The following CRACD variants were observed in gnomAD, a reference collection of about 807,000 sequenced individuals.
CRACD encodes capping protein inhibiting regulator of actin dynamics.
CRACD carries 56 observed loss-of-function variants against 106.8 expected under a neutral mutation model. The ratio of observed to expected loss-of-function variants is 0.52; its 90% CI spans 0.42 to 0.66. The LOEUF is 0.66. Ranked by LOEUF, CRACD falls within the 30% of genes least tolerant of loss-of-function variation. CRACD has a pLI of 0.00. For missense variants in CRACD, 1,730 were observed against 1,623.2 expected, an observed-to-expected ratio of 1.07 and a Z score of -1.13; for synonymous variants, 754 against 670.8, an observed-to-expected ratio of 1.12 and a Z score of -1.92.
At chr4:56,142,501 C>A (rs1432440984) in intron 1 of CRACD, among the ~76,000 whole-genome samples, 22 of 149,622 alleles carry the variant, frequency 1.5e-4, no homozygotes, top group Non-Finnish European at 1.5e-5. Context: ...CAAGATTTAT[C>A]CTTTTTTCTT....
In CRACD at chr4:56,313,349, G is replaced by A. The variant is rs374376003; in HGVS notation, c.507G>A (p.Arg169=). The change falls in exon 7 of 11, where the codon AGG becomes AGA. Residue 169 remains arginine (R), a synonymous_variant. Transcript: ENST00000682029. Reference sequence around the variant, plus strand: ...TGGCTGTTAAGCCAAAAAAACAGAGGGTGTCAAAGAAGCACAGGCGCCTTG... The same window carrying A: ...TGGCTGTTAAGCCAAAAAAACAGAGAGTGTCAAAGAAGCACAGGCGCCTTG... The part of the protein sequence containing the change: ...HKLAVKPKKQ[R]VSKKHRRLAQ... 2.0e-5 allele frequency: 33 copies of A among 1,613,976 alleles called. No homozygotes were observed. The African/African-American group carries it at 2.5e-4, about 12-fold the overall frequency.
rs549505723 is a variant in CRACD, at chr4:56,088,922, G to A, written c.-336+39623G>A. Among the ~76,000 whole-genome samples, 7 of 152,184 alleles carry A rather than the reference G, an allele frequency of 4.6e-5. No individual in the cohort carries two copies. The South Asian group carries it at 1.5e-3, about 32-fold the overall frequency. Reference sequence around the variant, plus strand: ...TGTATTTTTGGTAGAGACAGGTTTCGCCATGTTGGCCAGGCTGGTCTTGAA... The same window carrying A: ...TGTATTTTTGGTAGAGACAGGTTTCACCATGTTGGCCAGGCTGGTCTTGAA... On this transcript the variant is annotated intron_variant, in intron 1 of 10. Transcript: ENST00000682029.
At chr4:56,293,095 G>A (rs922880458) in intron 3 of CRACD, among the ~76,000 whole-genome samples, 1 of 152,206 alleles carries the variant, frequency 6.6e-6, no homozygotes, top group African/African-American at 2.4e-5. Flanking sequence ...GAACTCAGCA[G>A]ATTGGACTTA....
chr4:56,160,852 C>G (rs1482948245), intron 1 of CRACD, among the ~76,000 whole-genome samples: 2 of 152,214 alleles, frequency 1.3e-5, no homozygotes, highest in East Asian at 1.9e-4. Context: ...CCCCTGGACT[C>G]CTGCCATTTG....
At chr4:56,300,600 A>C (rs1744315434) in intron 4 of CRACD, among the ~76,000 whole-genome samples, 1 of 152,202 alleles carries the variant, frequency 6.6e-6, no homozygotes, top group Non-Finnish European at 1.5e-5. Context: ...AGAAGTTGTG[A>C]ACTTCTGGTT....
rs780905449 is a variant in CRACD, at chr4:56,316,191, G to A, written c.2689G>A (p.Gly897Ser). 2.5e-6 allele frequency: 4 copies of A among 1,614,086 alleles called. No homozygotes were observed. In the South Asian group the frequency reaches 4.4e-5, roughly 18 times the overall value. Residue 897 changes from glycine (G) to serine (S), a missense_variant, in exon 8 of 11, where the codon GGT becomes AGT. By Grantham distance (56) the Gly-to-Ser change is moderately conservative. Transcript: ENST00000682029. ...CGCTCGTGGAGAGAAAGAGATGGAG[G>A]GTGTGGCCCTCAAGCATGGTCCATC... is the stretch of plus-strand genomic sequence containing the variant. ...GSARGEKEME[G>S]VALKHGPSLP...
chr4:56,289,688 C>CAAA (rs36017998), intron 3 of CRACD, among the ~76,000 whole-genome samples: 8 of 122,396 alleles, frequency 6.5e-5, no homozygotes, highest in Admixed American at 5.0e-4. Context: ...GACTCTGTCT[C>CAAA]AAAAAAAAAA....
chr4:56,233,080 A>T (rs1168923161), intron 2 of CRACD, among the ~76,000 whole-genome samples: 1 of 151,970 alleles, frequency 6.6e-6, no homozygotes, highest in African/African-American at 2.4e-5. Context: ...CCATTTGTAT[A>T]TCTACTTTGT....
chr4:56,299,356 C>G (rs1744232247), intron 4 of CRACD, among the ~76,000 whole-genome samples: 1 of 152,082 alleles, frequency 6.6e-6, no homozygotes, highest in Non-Finnish European at 1.5e-5. Context: ...TGAGGTCTGC[C>G]TAGCTGCTTG....
chr4:56,304,312 C>CT lies in CRACD; in HGVS notation c.121-3205dup, dbSNP rs10551073. Among the ~76,000 whole-genome samples, 302 of 127,954 alleles carry CT rather than the reference C, an allele frequency of 2.4e-3. 3 individuals are homozygous for CT. Among genetic ancestry groups the CT allele is most frequent in the Non-Finnish European group, 2.4e-3 (144 of 60,810 alleles). 83.9% of individuals were successfully genotyped at this position (127,954 alleles called of 152,430 possible). A position where few individuals can be genotyped will look rare whatever the true frequency, so the allele number is the denominator to read the frequency against. The stretch of plus-strand genomic sequence containing the variant: ...CACCTTCTTTTTCCTGTTCTTATTC[C>CT]TTTTTTTTTTTTTTTTTTCTTTCCA... On this transcript the variant is annotated intron_variant, in intron 4 of 10. Coordinates refer to ENST00000682029, the MANE Select transcript of CRACD (RefSeq NM_001393381.1).
intron 1 of CRACD, among the ~76,000 whole-genome samples, chr4:56,062,829 T>C (rs1732326861): frequency 6.6e-6 from 1 of 152,188 alleles, no homozygotes. Flanking sequence ...ATTTGGGGCT[T>C]GCAAATGTAT....
At chr4:56,225,151 C>T (rs766138776) in intron 2 of CRACD, among the ~76,000 whole-genome samples, 3 of 152,188 alleles carry the variant, frequency 2.0e-5, no homozygotes, top group Non-Finnish European at 4.4e-5. Context: ...TGCAGTGGCA[C>T]GATCTTGGCT....
chr4:56,146,563 T>C (rs371535890), intron 1 of CRACD, among the ~76,000 whole-genome samples: 4 of 134,308 alleles, frequency 3.0e-5, no homozygotes, highest in African/African-American at 5.5e-5. Flanking sequence ...ATGCTATCCC[T>C]CCCCCCTCCC....
chr4:56,118,749 A>G (rs1734384684), intron 1 of CRACD, among the ~76,000 whole-genome samples: 1 of 152,122 alleles, frequency 6.6e-6, no homozygotes, highest in Non-Finnish European at 1.5e-5. Flanking sequence ...ATATAAAATA[A>G]AATAAAAATA....
chr4:56,296,582 C>A (rs1001083166), intron 3 of CRACD, among the ~76,000 whole-genome samples: 6 of 152,120 alleles, frequency 3.9e-5, no homozygotes. Context: ...TAATTCAGTT[C>A]GGAGGCACTG....
At chr4:56,316,736 G>A (rs375703002) in intron 8 of CRACD, 47 bp downstream of exon 8, 3 of 1,470,428 alleles carry the variant, frequency 2.0e-6, no homozygotes, top group Non-Finnish European at 2.7e-6. Flanking sequence ...AGGTGTCAGA[G>A]CCAGGGCATC....
At chr4:56,271,630 G>A (rs1431195192) in intron 2 of CRACD, among the ~76,000 whole-genome samples, 2 of 152,228 alleles carry the variant, frequency 1.3e-5, no homozygotes, top group East Asian at 3.9e-4. Context: ...AGTGGAGAAG[G>A]GCATTTGGCT....
chr4:56,238,226 T>G (rs1337228386), intron 2 of CRACD, among the ~76,000 whole-genome samples: 1 of 152,230 alleles, frequency 6.6e-6, no homozygotes, highest in Non-Finnish European at 1.5e-5. Flanking sequence ...GCTGGAATCT[T>G]CTGAAGGCTC....
chr4:56,273,414 C>T (rs1742485215), intron 3 of CRACD, among the ~76,000 whole-genome samples: 1 of 151,090 alleles, frequency 6.6e-6, no homozygotes, highest in East Asian at 1.9e-4. Flanking sequence ...CCACTTCTCC[C>T]TTTCTTCCCT....
Sources: allele counts gnomAD v4.1 joint callset (sites outside exome capture counted in the v4.1 genomes callset), GRCh38; gene constraint gnomAD v4.1.1; transcripts MANE v1.5; gene names NCBI Gene and HGNC (gene_info 2026-07-23, HGNC 2026-07-21).